The following SLC15A1 variants were observed in gnomAD, a reference collection of about 807,000 sequenced individuals.
SLC15A1 encodes the protein Caco-2 oligopeptide transporter.
Under a neutral mutation model 92.9 loss-of-function variants are expected in SLC15A1, and 83 were observed. The ratio of observed to expected loss-of-function variants is 0.89; its 90% confidence interval spans 0.75 to 1.07. SLC15A1 has a LOEUF of 1.07. SLC15A1 is among the 50% of genes least tolerant of loss of function. The pLI, the probability that SLC15A1 is intolerant of heterozygous loss-of-function variation, is 0.00. For synonymous variants in SLC15A1, 322 were observed against 318.2 expected (o/e 1.01, Z -0.13); for missense variants, 857 against 880.1 (o/e 0.97, Z 0.33).
chr13:98,731,123 G>A (rs552772632), intron 1 of SLC15A1, among the ~76,000 whole-genome samples: 2 of 152,304 alleles, frequency 1.3e-5, no homozygotes, highest in African/African-American at 4.8e-5. Flanking sequence ...GGGGCAACAG[G>A]GAGGCTGCTG....
intron 1 of SLC15A1, among the ~76,000 whole-genome samples, chr13:98,751,905 G>T (rs534079754): frequency 2.6e-5 from 4 of 152,312 alleles, no homozygotes; most frequent in Admixed American, 2.0e-4. Flanking sequence ...GCAGCGGGCT[G>T]GGCTGCTCCC....
intron 1 of SLC15A1, among the ~76,000 whole-genome samples, chr13:98,742,162 C>T (rs970873422): frequency 1.1e-4 from 16 of 152,176 alleles, no homozygotes; most frequent in African/African-American, 3.9e-4. Flanking sequence ...TCAGGACCCC[C>T]GAGGATTCTG....
Position 98,715,956 on chromosome 13 carries a change from C to T in SLC15A1, c.645G>A (p.Val215=), listed in dbSNP as rs1199680923. The T allele has an allele frequency of 1.9e-6, 3 of 1,613,922 alleles. No individual in the cohort carries two copies. Among genetic ancestry groups the T allele is most frequent in the East Asian group, 4.5e-5 (2 of 44,888 alleles). Residue 215 remains valine (V), a synonymous_variant, in exon 9 of 23, where the codon GTG becomes GTA. Transcript: ENST00000376503. ...PAALMAVALI[V]FVLGSGMYKK... ...TGTACATCCCACTGCCAAGGACAAA[C>T]ACAACTAGATAGGGCAGAAGAAGAC...
intron 18 of SLC15A1, among the ~76,000 whole-genome samples, chr13:98,698,412 G>A (rs1366904586): frequency 1.3e-5 from 2 of 152,096 alleles, no homozygotes; most frequent in Non-Finnish European, 2.9e-5. Context: ...ACCACCATTT[G>A]TATTAGTAAG....
intron 1 of SLC15A1, among the ~76,000 whole-genome samples, chr13:98,747,188 G>A (rs2088500028): frequency 6.6e-6 from 1 of 152,184 alleles, no homozygotes; most frequent in African/African-American, 2.4e-5. Context: ...CCGGGATGAT[G>A]AGTCAACCGT....
At chr13:98,713,941 GGAGGCT>G (rs1268588523) in intron 9 of SLC15A1, among the ~76,000 whole-genome samples, 3 of 151,830 alleles carry the variant, frequency 2.0e-5, no homozygotes, top group Non-Finnish European at 4.4e-5. Context: ...CTGCTATTTG[GGAGGCT>G]GAGGCTGAGG....
At chr13:98,749,193 G>A (rs767711851) in intron 1 of SLC15A1, among the ~76,000 whole-genome samples, 5 of 152,172 alleles carry the variant, frequency 3.3e-5, no homozygotes, top group Non-Finnish European at 7.4e-5. Context: ...AGGAGGAGGA[G>A]AGAATGTGGA....
chr13:98,749,576 C>T (rs2088524689), intron 1 of SLC15A1, among the ~76,000 whole-genome samples: 1 of 152,164 alleles, frequency 6.6e-6, no homozygotes, highest in East Asian at 1.9e-4. Context: ...GCTTCGGAGG[C>T]TGCTTTTTCT....
At chr13:98,690,813 G>A (rs561113588) in intron 18 of SLC15A1, among the ~76,000 whole-genome samples, 1 of 152,186 alleles carries the variant, frequency 6.6e-6, no homozygotes, top group Admixed American at 6.5e-5. Flanking sequence ...GAATACTGGA[G>A]GCAACTGTGA....
At position 98,709,134 on chromosome 13, in the gene SLC15A1, A is replaced by G. The variant is rs182180839; in HGVS notation, c.1068-367T>C. 7.9e-5 allele frequency among the ~76,000 whole-genome samples: 12 copies of G among 151,746 alleles called. No individual in the cohort carries two copies. The East Asian group carries it at 2.3e-3, about 30-fold the overall frequency. ...AGGTGAGTGCCACCACACCCAGCTT[A>G]TTTTTCGTATTTTTAGTAGAGATGG... On this transcript the variant is annotated intron_variant, in intron 14 of 22. Coordinates refer to ENST00000376503, the MANE Select transcript of SLC15A1 (RefSeq NM_005073.4).
intron 1 of SLC15A1, among the ~76,000 whole-genome samples, chr13:98,737,447 C>T (rs957391633): frequency 4.6e-5 from 7 of 152,124 alleles, no homozygotes; most frequent in African/African-American, 1.7e-4. Flanking sequence ...ACATATGTAA[C>T]AAACCTGCAC....
chr13:98,720,270 TG>T (rs2088246131), intron 7 of SLC15A1, among the ~76,000 whole-genome samples: 1 of 152,260 alleles, frequency 6.6e-6, no homozygotes, highest in Non-Finnish European at 1.5e-5. Context: ...ATAAAATTTT[TG>T]TCACATATTC....
At chr13:98,738,971 C>T (rs2088418503) in intron 1 of SLC15A1, among the ~76,000 whole-genome samples, 1 of 152,256 alleles carries the variant, frequency 6.6e-6, no homozygotes, top group Non-Finnish European at 1.5e-5. Flanking sequence ...AGGGGCAGAG[C>T]TGCCCAAAGC....
intron 9 of SLC15A1, among the ~76,000 whole-genome samples, chr13:98,714,993 A>G (rs759314419): frequency 6.6e-6 from 1 of 152,150 alleles, no homozygotes; most frequent in African/African-American, 2.4e-5. Flanking sequence ...GCACATTCCT[A>G]TTACTACATA....
At position 98,709,902 on chromosome 13, in the gene SLC15A1, A is replaced by G; in HGVS notation, c.910T>C (p.Trp304Arg). The change falls in exon 12 of 23, where the codon TGG (tryptophan) becomes CGG (arginine). Residue 304 changes from tryptophan (W) to arginine (R), a missense_variant. By Grantham distance (101) the Trp-to-Arg change is moderately radical. Transcript: ENST00000376503. ...WALFDQQGSR[W>R]TLQATTMSGK... ...GACATAGTTGTTGCCTGCAGTGTCC[A>G]CCTGGAGCCCTTAAAAATGAATACA... The G allele has an allele frequency of 6.2e-7, 1 of 1,614,240 alleles. No homozygotes were observed. The highest frequency in any genetic ancestry group is 8.5e-7 in the Non-Finnish European group (1 of 1,180,032).
At chr13:98,723,603 G>A (rs2088276348) in intron 5 of SLC15A1, among the ~76,000 whole-genome samples, 1 of 152,144 alleles carries the variant, frequency 6.6e-6, no homozygotes, top group African/African-American at 2.4e-5. Flanking sequence ...AAGGTCTGTG[G>A]GACTTTATAT....
intron 18 of SLC15A1, among the ~76,000 whole-genome samples, chr13:98,690,425 A>G (rs1241761716): frequency 6.6e-6 from 1 of 152,188 alleles, no homozygotes; most frequent in Non-Finnish European, 1.5e-5. Context: ...AGCTGCTTTT[A>G]TCAAAGATGA....
At chr13:98,717,900 C>T (rs2088223327) in intron 8 of SLC15A1, among the ~76,000 whole-genome samples, 1 of 152,166 alleles carries the variant, frequency 6.6e-6, no homozygotes, top group African/African-American at 2.4e-5. Context: ...TTGCACCGTT[C>T]TTGGCCACCT....
chr13:98,696,500 A>G (rs2088023074), intron 18 of SLC15A1, among the ~76,000 whole-genome samples: 1 of 152,162 alleles, frequency 6.6e-6, no homozygotes. Context: ...CCCCAATATC[A>G]ATTGCTCAAA....
Sources: allele counts gnomAD v4.1 joint callset (sites outside exome capture counted in the v4.1 genomes callset), GRCh38; gene constraint gnomAD v4.1.1; transcripts MANE v1.5; gene names NCBI Gene and HGNC (gene_info 2026-07-23, HGNC 2026-07-21).